OPA1: variants seen among roughly 807,000 people sequenced by gnomAD.
OPA1 encodes the protein dynamin-like GTPase OPA1, mitochondrial.
Under a neutral mutation model 152.9 loss-of-function variants are expected in OPA1, and 59 were observed. That is an observed-to-expected ratio of 0.39 (90% confidence interval 0.31 to 0.48). The LOEUF is 0.48. Among genes scored for constraint, OPA1 ranks in the 20% least tolerant of loss-of-function variants. The pLI is 0.96. For missense variants in OPA1, 1,008 were observed against 1,216.8 expected, an observed-to-expected ratio of 0.83 and a Z score of 2.55; for synonymous variants, 400 against 389.9, an observed-to-expected ratio of 1.03 and a Z score of -0.31.
At chr3:193,654,817 A>G (rs1161418107) in intron 21 of OPA1, 45 bp from the exon 22 acceptor site, 1 of 1,584,986 alleles carries the variant, frequency 6.3e-7, no homozygotes, top group Non-Finnish European at 8.6e-7. Flanking sequence ...TTTTAAAAAC[A>G]ATATTATATT....
At chr3:193,692,695 A>G (rs1721846848) in intron 30 of OPA1, among the ~76,000 whole-genome samples, 1 of 152,252 alleles carries the variant, frequency 6.6e-6, no homozygotes, top group Non-Finnish European at 1.5e-5. Context: ...TCCTAATAAA[A>G]TACATATTTA....
At chr3:193,654,437 A>G (rs2109134095) in intron 21 of OPA1, among the ~76,000 whole-genome samples, 1 of 152,164 alleles carries the variant, frequency 6.6e-6, no homozygotes, top group South Asian at 2.1e-4. Flanking sequence ...TTGAGGCTCC[A>G]GTGAGCCATG....
chr3:193,690,880 A>G (rs1466018578), intron 29 of OPA1, among the ~76,000 whole-genome samples: 1 of 152,092 alleles, frequency 6.6e-6, no homozygotes, highest in Non-Finnish European at 1.5e-5. Flanking sequence ...AATTACCTTA[A>G]AAGAACAAAA....
chr3:193,635,635 C>G (rs530642186), intron 9 of OPA1, 113 bp downstream of exon 9: 1 of 720,886 alleles, frequency 1.4e-6, no homozygotes, highest in East Asian at 2.6e-5. Flanking sequence ...TTCTTTCTAA[C>G]CTAATGTGCT....
intron 1 of OPA1, among the ~76,000 whole-genome samples, chr3:193,602,828 G>A (rs1726668405): frequency 6.6e-6 from 1 of 152,176 alleles, no homozygotes; most frequent in Admixed American, 6.5e-5. Flanking sequence ...GACTTTTAGA[G>A]GGATCCCCCA....
chr3:193,682,154 C>T (rs958378559), intron 29 of OPA1, among the ~76,000 whole-genome samples: 4 of 152,196 alleles, frequency 2.6e-5, no homozygotes, highest in Non-Finnish European at 4.4e-5. Context: ...TTGCCTGAGA[C>T]GCAGGAAGTT....
chr3:193,664,963 T>C lies in OPA1; in HGVS notation c.2745T>C (p.Phe915=), dbSNP rs1459829936. Residue 915 remains phenylalanine (F), a synonymous_variant, in exon 27 of 31, where the codon TTT becomes TTC. Coordinates refer to ENST00000361510, the MANE Select transcript of OPA1 (RefSeq NM_130837.3). ...LNHCNLCRRG[F]YYYQRHFVDS... ...ATTGTAACCTTTGTCGAAGAGGTTT[T>C]TATTACTACCAAAGGCATTTTGTAG... 1.2e-6 allele frequency: 2 copies of C among 1,604,588 alleles called. No homozygotes were observed. The highest frequency in any genetic ancestry group is 2.7e-5 in the African/African-American group (2 of 74,698).
rs1401231395 is a variant in OPA1, at chr3:193,697,595, G to A, written c.*2995G>A. On this transcript the variant is annotated 3_prime_UTR_variant, in exon 31 of 31. Transcript: ENST00000361510. ...GTTTTAACGAGGGAAAGAGAAACCT[G>A]TATACCTAGGGTCATTATTTGACCC... The A allele has an allele frequency of 1.3e-5, 2 of 152,086 alleles. No individual in the cohort carries two copies. The highest frequency in any genetic ancestry group is 2.9e-5 in the Non-Finnish European group (2 of 68,004). 9.4% of individuals were successfully genotyped at this position (152,086 alleles called of 1,614,324 possible).
At chr3:193,620,448 T>A (rs967735663) in intron 6 of OPA1, among the ~76,000 whole-genome samples, 1 of 152,228 alleles carries the variant, frequency 6.6e-6, no homozygotes, top group Non-Finnish European at 1.5e-5. Flanking sequence ...TTTAATTATA[T>A]TTACAGATTT....
chr3:193,667,232 A>G lies in OPA1; in HGVS notation c.2935A>G (p.Lys979Glu). Reference protein sequence around the residue: ...LEDFAEDGEKKIKLLTGKRVQ... With the variant: ...LEDFAEDGEKEIKLLTGKRVQ... Reference sequence around the variant, plus strand: ...AGATTTTGCTGAAGATGGTGAGAAGAAGATTAAATTGCTTACTGGTAAACG... The same window carrying G: ...AGATTTTGCTGAAGATGGTGAGAAGGAGATTAAATTGCTTACTGGTAAACG... Residue 979 changes from lysine (K) to glutamate (E), a missense_variant, in exon 29 of 31, where the codon AAG becomes GAG. By Grantham distance (56) the Lys-to-Glu change is moderately conservative. This residue lies in a region of OPA1 where 137 missense variants were observed against 171.0 expected (regional missense o/e 0.80). Transcript: ENST00000361510. 6.2e-7 allele frequency: 1 copy of G among 1,608,934 alleles called. No homozygotes were observed. Among genetic ancestry groups the G allele is most frequent in the Non-Finnish European group, 8.5e-7 (1 of 1,175,230 alleles).
At chr3:193,607,790 C>G (rs554946170) in intron 1 of OPA1, among the ~76,000 whole-genome samples, 2 of 152,206 alleles carry the variant, frequency 1.3e-5, no homozygotes, top group Admixed American at 6.5e-5. Flanking sequence ...TTTTCCAATT[C>G]TGTGAAGAAA....
intron 13 of OPA1, 129 bp downstream of exon 13, chr3:193,643,178 TC>T (rs1734038046): frequency 1.1e-6 from 1 of 914,788 alleles, no homozygotes; most frequent in South Asian, 1.5e-5. Flanking sequence ...TAAAAAAAAA[TC>T]CAAATAATAT....
intron 1 of OPA1, among the ~76,000 whole-genome samples, chr3:193,596,415 C>CTTTTCTTCTT (rs1447731489): frequency 1.6e-5 from 2 of 126,786 alleles, no homozygotes; most frequent in African/African-American, 2.9e-5. Flanking sequence ...CTTTTCTTTT[C>CTTTTCTTCTT]TTTTCTTTCA....
chr3:193,648,541 A>AT (rs1213170505), intron 20 of OPA1: 2 of 445,260 alleles, frequency 4.5e-6, no homozygotes, highest in African/African-American at 4.0e-5. Flanking sequence ...ATGCTTTCAC[A>AT]TAACGTGAAC....
chr3:193,597,559 C>T (rs1473715012), intron 1 of OPA1, among the ~76,000 whole-genome samples: 1 of 151,850 alleles, frequency 6.6e-6, no homozygotes, highest in African/African-American at 2.4e-5. Context: ...GGTGTGGTGG[C>T]AGGTCCCTGT....
In OPA1 at chr3:193,669,005, A is replaced by G. The variant is rs1356964398; in HGVS notation, c.2983+1725A>G. 1.3e-5 allele frequency: 4 copies of G among 317,924 alleles called. No homozygotes were observed. The Admixed American group carries it at 2.4e-4, about 19-fold the overall frequency. The allele number at this position is 317,924 out of a possible 1,614,324, so 19.7% of individuals were successfully genotyped here. A position where few individuals can be genotyped will look rare whatever the true frequency, so the allele number is the denominator to read the frequency against. Reference sequence around the variant, plus strand: ...TGTAACAAAGTATCTTTTTCTTTCAACGTGTACTTAAATTTCCTGTCTTAT... The same window carrying G: ...TGTAACAAAGTATCTTTTTCTTTCAGCGTGTACTTAAATTTCCTGTCTTAT... On this transcript the variant is annotated intron_variant, in intron 29 of 30. Transcript: ENST00000361510.
At chr3:193,647,945 C>T in intron 19 of OPA1, 125 bp from the exon 20 acceptor site, 1 of 723,942 alleles carries the variant, frequency 1.4e-6, no homozygotes, top group South Asian at 1.5e-5. Flanking sequence ...TCCCAGAGTA[C>T]TAAGGGGTCA....
At chr3:193,680,185 A>G (rs1473271720) in intron 29 of OPA1, among the ~76,000 whole-genome samples, 1 of 148,510 alleles carries the variant, frequency 6.7e-6, no homozygotes, top group Non-Finnish European at 1.5e-5. Context: ...AGTTTGGTGT[A>G]TAAATCAGAA....
At chr3:193,637,137 T>A (rs978903503) in intron 9 of OPA1, 58 bp from the exon 10 acceptor site, 4 of 895,592 alleles carry the variant, frequency 4.5e-6, no homozygotes, top group Non-Finnish European at 7.1e-6. Flanking sequence ...GACACATCTG[T>A]TATATTTTTT....
Sources: allele counts gnomAD v4.1 joint callset (sites outside exome capture counted in the v4.1 genomes callset), GRCh38; gene constraint gnomAD v4.1.1; regional missense constraint gnomAD v4.1.1; transcripts MANE v1.5; gene names NCBI Gene and HGNC (gene_info 2026-07-23, HGNC 2026-07-21).